The following UGCG variants were observed in gnomAD, a reference collection of about 807,000 sequenced individuals.
UGCG encodes UDP-glucose ceramide glucosyltransferase.
In UGCG, 10 loss-of-function variants were observed where a neutral mutation model predicts 49.5. That is an observed-to-expected ratio of 0.20 (90% CI 0.12 to 0.34). UGCG has a LOEUF of 0.34. Among genes scored for constraint, UGCG ranks in the 10% least tolerant of loss-of-function variants. The pLI, the probability that UGCG is intolerant of heterozygous loss-of-function variation, is 1.00. For missense variants in UGCG, 312 were observed against 483.7 expected (o/e 0.65, Z 3.33); for synonymous variants, 182 against 158.2 (o/e 1.15, Z -1.13).
At chr9:111,899,043 T>G (rs1837718342) in intron 1 of UGCG, among the ~76,000 whole-genome samples, 1 of 152,256 alleles carries the variant, frequency 6.6e-6, no homozygotes, top group African/African-American at 2.4e-5. Context: ...CTGTATGATC[T>G]CTACATCATT....
intron 4 of UGCG, among the ~76,000 whole-genome samples, chr9:111,925,842 A>G (rs968284176): frequency 1.2e-4 from 18 of 152,258 alleles, no homozygotes; most frequent in Admixed American, 1.2e-3. Context: ...CAGATCTATC[A>G]GCTGGTCAGA....
chr9:111,924,229 G>A (rs989293918), intron 3 of UGCG, among the ~76,000 whole-genome samples: 35 of 152,094 alleles, frequency 2.3e-4, no homozygotes, highest in African/African-American at 8.0e-4. Context: ...AATAAAATTT[G>A]TATATATTTT....
chr9:111,908,165 A>G (rs545046462), intron 1 of UGCG, among the ~76,000 whole-genome samples: 33 of 152,332 alleles, frequency 2.2e-4, no homozygotes, highest in Admixed American at 5.9e-4. Flanking sequence ...CACACTAGTT[A>G]TAATAACCTC....
intron 1 of UGCG, among the ~76,000 whole-genome samples, chr9:111,914,129 T>C (rs530526907): frequency 1.3e-5 from 2 of 152,304 alleles, no homozygotes; most frequent in South Asian, 4.1e-4. Flanking sequence ...TGTGGCCACT[T>C]CAGTGGCAAT....
At chr9:111,898,389 T>C (rs191045738) in intron 1 of UGCG, among the ~76,000 whole-genome samples, 1 of 150,934 alleles carries the variant, frequency 6.6e-6, no homozygotes, top group Non-Finnish European at 1.5e-5. Flanking sequence ...ACTTTTAGTT[T>C]TTTGGTTTTT....
chr9:111,898,423 A>G (rs1837707349), intron 1 of UGCG, among the ~76,000 whole-genome samples: 1 of 151,912 alleles, frequency 6.6e-6, no homozygotes. Context: ...TACTGCGGAA[A>G]AAGTGTGCCT....
chr9:111,901,532 A>AG (rs1484711107), intron 1 of UGCG, among the ~76,000 whole-genome samples: 6 of 152,250 alleles, frequency 3.9e-5, no homozygotes, highest in African/African-American at 1.4e-4. Flanking sequence ...GAACAAAGTG[A>AG]GGGGCAGTGT....
intron 2 of UGCG, among the ~76,000 whole-genome samples, chr9:111,917,213 T>C (rs1900694): frequency 6.6e-6 from 1 of 152,084 alleles, no homozygotes; most frequent in Non-Finnish European, 1.5e-5. Context: ...AATTATAAAC[T>C]TATATTTAGC....
chr9:111,908,732 G>A (rs1589519728), intron 1 of UGCG, among the ~76,000 whole-genome samples: 4 of 152,188 alleles, frequency 2.6e-5, no homozygotes, highest in Admixed American at 2.6e-4. Flanking sequence ...GAGAAAGCTT[G>A]TGCAACGTGT....
At chr9:111,903,802 G>A (rs972823477) in intron 1 of UGCG, among the ~76,000 whole-genome samples, 1 of 152,092 alleles carries the variant, frequency 6.6e-6, no homozygotes, top group South Asian at 2.1e-4. Context: ...CGCCGTGTTG[G>A]CTAGGCTGGT....
intron 1 of UGCG, among the ~76,000 whole-genome samples, chr9:111,911,433 G>T (rs1028576385): frequency 2.0e-5 from 3 of 152,084 alleles, no homozygotes; most frequent in Non-Finnish European, 2.9e-5. Flanking sequence ...TACCATAAAT[G>T]TGTGTATATA....
At chr9:111,930,633 A>G (rs115890665) in intron 6 of UGCG, among the ~76,000 whole-genome samples, 188 of 151,982 alleles carry the variant, frequency 1.2e-3, no homozygotes, top group African/African-American at 4.2e-3. Flanking sequence ...ACACTCAGCT[A>G]CTTTTTTTTG....
Position 111,934,511 on chromosome 9 carries a change from T to G in UGCG, c.*1514T>G, listed in dbSNP as rs1838481868. On this transcript the variant is annotated 3_prime_UTR_variant, in exon 9 of 9. Transcript: ENST00000374279. ...CTGGCAATATGGCAGCTTTAAATTC[T>G]GAGTTACTACAGTCTCCATGTCAAA... 6.6e-6 allele frequency: 1 copy of G among 152,242 alleles called. No homozygotes were observed. The highest frequency in any genetic ancestry group is 1.5e-5 in the Non-Finnish European group (1 of 68,038). 9.4% of individuals were successfully genotyped at this position (152,242 alleles called of 1,614,324 possible).
chr9:111,902,108 C>T (rs991146339), intron 1 of UGCG, among the ~76,000 whole-genome samples: 1 of 152,088 alleles, frequency 6.6e-6, no homozygotes, highest in African/African-American at 2.4e-5. Flanking sequence ...TTTTCTTTCT[C>T]TTCCTTCTTT....
rs56298523 is a variant in UGCG at position 111,926,861 on chromosome 9, C to CTTTTTTT, written c.558+388_558+394dup. On this transcript the variant is annotated intron_variant, in intron 5 of 8. Coordinates refer to ENST00000374279, the MANE Select transcript of UGCG (RefSeq NM_003358.3). Reference sequence around the variant, plus strand: ...GAACCGCTGGCCCCCTCCCCCCAGCCTTTTTTTTTTTTTTTTTTTTTTTTT... The same window carrying CTTTTTTT: ...GAACCGCTGGCCCCCTCCCCCCAGCCTTTTTTTTTTTTTTTTTTTTTTTTTTTTTTTT... 4.2e-3 allele frequency among the ~76,000 whole-genome samples: 240 copies of CTTTTTTT among 56,876 alleles called. 53 individuals are homozygous for CTTTTTTT. Among genetic ancestry groups the CTTTTTTT allele is most frequent in the South Asian group, 8.7e-3 (12 of 1,384 alleles). The allele number at this position is 56,876 out of a possible 152,430, so 37.3% of individuals were successfully genotyped here. A position where few individuals can be genotyped will look rare whatever the true frequency, so the allele number is the denominator to read the frequency against.
chr9:111,923,340 G>C (rs1469798798), intron 3 of UGCG, among the ~76,000 whole-genome samples: 1 of 147,022 alleles, frequency 6.8e-6, no homozygotes, highest in Non-Finnish European at 1.5e-5. Flanking sequence ...TGAAAGACTT[G>C]TAGAGGTGTG....
At position 111,911,905 on chromosome 9, in the gene UGCG, GATAT is replaced by G. The variant is rs200468304; in HGVS notation, c.99-2651_99-2648del. On this transcript the variant is annotated intron_variant, in intron 1 of 8. Coordinates refer to ENST00000374279, the MANE Select transcript of UGCG (RefSeq NM_003358.3). ...TATCTCATATGTGTATATTCAACAG[GATAT>G]ATATATATATATATATATATATATA... Among the ~76,000 whole-genome samples, 111 of 78,884 alleles carry G rather than the reference GATAT, an allele frequency of 1.4e-3. 1 individual carries two copies. The highest frequency in any genetic ancestry group is 2.2e-3 in the Non-Finnish European group (88 of 39,172). The allele number at this position is 78,884 out of a possible 152,430, so 51.8% of individuals were successfully genotyped here.
rs200460111 is a variant in UGCG, at chr9:111,896,983, A to ACCCGCAGCCG, written c.-227_-218dup. 0.18 allele frequency: 41,280 copies of ACCCGCAGCCG among 225,912 alleles called. 5,383 individuals carry two copies. The highest frequency in any genetic ancestry group is 0.35 in the Admixed American group (5,765 of 16,546). 14.0% of individuals were successfully genotyped at this position (225,912 alleles called of 1,614,324 possible). ...CCGACCAGAGCCGGGAGACCGCAGCACCCGCAGCCGCCCGCGAGCGCGCCG... is the reference window on the plus strand; with the variant it reads ...CCGACCAGAGCCGGGAGACCGCAGCACCCGCAGCCGCCCGCAGCCGCCCGCGAGCGCGCCG... On this transcript the variant is annotated 5_prime_UTR_variant, in exon 1 of 9. Transcript: ENST00000374279.
In UGCG at chr9:111,926,633, GC is replaced by G. The variant is rs200439519; in HGVS notation, c.558+140del. Reference sequence around the variant, plus strand: ...TTTGGGAACCTGCTGTGTTCTAGAAGCCCTGAGTTGAGAGCAGCTGTTTTCA... The same window carrying G: ...TTTGGGAACCTGCTGTGTTCTAGAAGCCTGAGTTGAGAGCAGCTGTTTTCA... On this transcript the variant is annotated intron_variant, in intron 5 of 8. Coordinates refer to ENST00000374279, the MANE Select transcript of UGCG (RefSeq NM_003358.3). The G allele has an allele frequency of 3.3e-3, 1,825 of 545,258 alleles. 19 individuals are homozygous for G. Among genetic ancestry groups the G allele is most frequent in the East Asian group, 0.03 (923 of 30,856 alleles). The allele number at this position is 545,258 out of a possible 1,614,324, so 33.8% of individuals were successfully genotyped here.
Sources: allele counts gnomAD v4.1 joint callset (sites outside exome capture counted in the v4.1 genomes callset), GRCh38; gene constraint gnomAD v4.1.1; transcripts MANE v1.5; gene names NCBI Gene and HGNC (gene_info 2026-07-23, HGNC 2026-07-21).